SFRP1: variants seen among roughly 807,000 people sequenced by gnomAD.
SFRP1 encodes secreted frizzled related protein 1, also known as secreted frizzled-related protein 1.
In SFRP1, 9 loss-of-function variants were observed where a neutral mutation model predicts 25.9. The ratio of observed to expected loss-of-function variants is 0.35; its 90% confidence interval spans 0.21 to 0.61. The LOEUF (loss-of-function observed/expected upper bound fraction) is 0.61. Among genes scored for constraint, SFRP1 ranks in the 20% least tolerant of loss-of-function variants. The pLI, the probability that SFRP1 is intolerant of heterozygous loss-of-function variation, is 0.78. For synonymous variants in SFRP1, 178 were observed against 174.0 expected (o/e 1.02, Z -0.18); for missense variants, 346 against 418.2 (o/e 0.83, Z 1.51).
At chr8:41,272,881 G>A (rs1803528496) in intron 2 of SFRP1, among the ~76,000 whole-genome samples, 1 of 152,142 alleles carries the variant, frequency 6.6e-6, no homozygotes, top group Non-Finnish European at 1.5e-5. Flanking sequence ...AAAGAATCAT[G>A]ACATTTACAA....
intron 2 of SFRP1, among the ~76,000 whole-genome samples, chr8:41,300,333 C>T (rs1431502455): frequency 6.6e-6 from 1 of 152,142 alleles, no homozygotes; most frequent in East Asian, 1.9e-4. Flanking sequence ...AAAAAAGAAT[C>T]CTTCCAGAAG....
intron 1 of SFRP1, 121 bp downstream of exon 1, chr8:41,308,495 G>T: frequency 2.6e-6 from 2 of 769,700 alleles, no homozygotes; most frequent in Non-Finnish European, 4.1e-6. Flanking sequence ...GCAACCTCGG[G>T]CCCTCAGTCC....
intron 1 of SFRP1, chr8:41,307,131 G>T (rs1470302903): frequency 3.6e-6 from 3 of 843,242 alleles, no homozygotes; most frequent in Non-Finnish European, 5.1e-6. Context: ...AGGCTGCAGG[G>T]GATGGGTGCA....
Position 41,265,431 on chromosome 8 carries a change from G to A in SFRP1, c.681C>T (p.Pro227=), listed in dbSNP as rs372644514. 4.3e-6 allele frequency: 7 copies of A among 1,611,588 alleles called. No individual in the cohort carries two copies. Among genetic ancestry groups the A allele is most frequent in the African/African-American group, 4.0e-5 (3 of 74,684 alleles). ...KKENGDKKIV[P]KKKKPLKLGP... ...CCAACTTCAGGGGCTTCTTCTTCTT[G>A]GGGACAATCTTCTTGTCGCCATTTT... Residue 227 remains proline, a synonymous_variant, in exon 3 of 3, where the codon CCC becomes CCT. Transcript: ENST00000220772.
intron 2 of SFRP1, among the ~76,000 whole-genome samples, chr8:41,285,358 C>A (rs1803686141): frequency 6.6e-6 from 1 of 152,104 alleles, no homozygotes; most frequent in South Asian, 2.1e-4. Flanking sequence ...ACACTCATTT[C>A]CGGAAGGGTG....
At chr8:41,284,949 C>T (rs1186746463) in intron 2 of SFRP1, among the ~76,000 whole-genome samples, 2 of 152,232 alleles carry the variant, frequency 1.3e-5, no homozygotes, top group African/African-American at 4.8e-5. Flanking sequence ...TCACTCTTCC[C>T]TACGCCCCAC....
intron 2 of SFRP1, among the ~76,000 whole-genome samples, chr8:41,286,951 T>G (rs374707656): frequency 1.2e-4 from 18 of 151,944 alleles, no homozygotes; most frequent in African/African-American, 4.3e-4. Flanking sequence ...TGAAAAAGAG[T>G]CCTGTGGGTC....
chr8:41,273,321 C>T (rs1803533946), intron 2 of SFRP1, among the ~76,000 whole-genome samples: 1 of 152,024 alleles, frequency 6.6e-6, no homozygotes, highest in Non-Finnish European at 1.5e-5. Flanking sequence ...AAAACTCTGT[C>T]TCTACTAAAA....
chr8:41,308,573 G>C, intron 1 of SFRP1, 43 bp downstream of exon 1: 1 of 1,474,546 alleles, frequency 6.8e-7, no homozygotes. Context: ...CCGGCCGGGG[G>C]ATGGAGGGGG....
intron 2 of SFRP1, among the ~76,000 whole-genome samples, chr8:41,289,566 C>G (rs1018924838): frequency 6.6e-6 from 1 of 152,178 alleles, no homozygotes; most frequent in African/African-American, 2.4e-5. Context: ...TAAGGCTACA[C>G]GTGTTCTTTC....
At position 41,268,778 on chromosome 8, in the gene SFRP1, G is replaced by C. The variant is rs541954633; in HGVS notation, c.623-3289C>G. Reference sequence around the variant, plus strand: ...AGACCCCACCATGATGCATCCCGGGGCTGCTGGGGCGAGGGCAGGTGCTGG... The same window carrying C: ...AGACCCCACCATGATGCATCCCGGGCCTGCTGGGGCGAGGGCAGGTGCTGG... On this transcript the variant is annotated intron_variant, in intron 2 of 2. Coordinates refer to ENST00000220772, the MANE Select transcript of SFRP1 (RefSeq NM_003012.5). Among the ~76,000 whole-genome samples, 9 of 152,330 alleles carry C rather than the reference G, an allele frequency of 5.9e-5. No homozygotes were observed. The South Asian group carries it at 1.9e-3, about 32-fold the overall frequency.
Position 41,265,160 on chromosome 8 carries a change from G to T in SFRP1, c.*7C>A. On this transcript the variant is annotated 3_prime_UTR_variant, in exon 3 of 3. Coordinates refer to ENST00000220772, the MANE Select transcript of SFRP1 (RefSeq NM_003012.5). ...GAGGCTCCCTCCCCACCCTGCCCCC[G>T]GGAGAATCACTTAAACACGGACTGA... The T allele has an allele frequency of 5.5e-6, 1 of 180,716 alleles. No homozygotes were observed. Among genetic ancestry groups the T allele is most frequent in the South Asian group, 5.9e-5 (1 of 16,866 alleles). The allele number at this position is 180,716 out of a possible 1,614,324, so 11.2% of individuals were successfully genotyped here. A position where few individuals can be genotyped will look rare whatever the true frequency, so the allele number is the denominator to read the frequency against.
intron 2 of SFRP1, among the ~76,000 whole-genome samples, chr8:41,297,741 C>A (rs1369101279): frequency 6.6e-6 from 1 of 152,046 alleles, no homozygotes; most frequent in Non-Finnish European, 1.5e-5. Context: ...GTCTGTCTCG[C>A]CCAGAGCCTG....
intron 2 of SFRP1, among the ~76,000 whole-genome samples, chr8:41,290,769 C>A (rs1803766210): frequency 6.6e-6 from 1 of 152,080 alleles, no homozygotes; most frequent in Middle Eastern, 3.2e-3. Flanking sequence ...CTCCCTCCCA[C>A]CCTCACTCAG....
At chr8:41,298,644 A>G (rs1043827821) in intron 2 of SFRP1, among the ~76,000 whole-genome samples, 2 of 152,012 alleles carry the variant, frequency 1.3e-5, no homozygotes, top group Non-Finnish European at 2.9e-5. Context: ...CAAACTCCTG[A>G]CCTCAAGCAA....
chr8:41,285,331 C>T (rs572253589), intron 2 of SFRP1, among the ~76,000 whole-genome samples: 22 of 152,218 alleles, frequency 1.4e-4, no homozygotes, highest in African/African-American at 3.1e-4. Context: ...TCGTTCCCCA[C>T]GCACTATTCC....
intron 2 of SFRP1, among the ~76,000 whole-genome samples, chr8:41,292,791 G>A (rs1301660663): frequency 6.6e-6 from 1 of 152,192 alleles, no homozygotes; most frequent in African/African-American, 2.4e-5. Context: ...GTCTTCTGCA[G>A]GTGGTTAGAT....
intron 1 of SFRP1, among the ~76,000 whole-genome samples, chr8:41,306,218 C>T (rs921826030): frequency 6.6e-6 from 1 of 152,212 alleles, no homozygotes; most frequent in East Asian, 1.9e-4. Flanking sequence ...TCCTTAATAA[C>T]ACATGACCAC....
At position 41,268,607 on chromosome 8, in the gene SFRP1, G is replaced by A. The variant is rs371450000; in HGVS notation, c.623-3118C>T. 3.9e-5 allele frequency among the ~76,000 whole-genome samples: 6 copies of A among 152,286 alleles called. 1 individual carries two copies. Among genetic ancestry groups the A allele is most frequent in the African/African-American group, 1.4e-4 (6 of 41,578 alleles). On this transcript the variant is annotated intron_variant, in intron 2 of 2. Coordinates refer to ENST00000220772, the MANE Select transcript of SFRP1 (RefSeq NM_003012.5). The stretch of plus-strand genomic sequence containing the variant: ...TGGCCCCTTTCTTTTTTTGAGGTGG[G>A]GAGAGCAGGAAAGAAGGCACGTATG...
Sources: allele counts gnomAD v4.1 joint callset (sites outside exome capture counted in the v4.1 genomes callset), GRCh38; gene constraint gnomAD v4.1.1; transcripts MANE v1.5; gene names NCBI Gene and HGNC (gene_info 2026-07-23, HGNC 2026-07-21).